Variants in STX18 observed in about 807,000 individuals in gnomAD.
STX18 encodes syntaxin 18.
STX18 carries 40 observed loss-of-function variants against 50.1 expected under a neutral mutation model. The observed-to-expected ratio is 0.80, with a 90% CI of 0.62 to 1.04. The LOEUF is 1.04. Ranked by LOEUF, STX18 falls within the 50% of genes least tolerant of loss-of-function variation. The pLI is 0.00. For missense variants in STX18, 410 were observed against 415.8 expected (o/e 0.99, Z 0.12); for synonymous variants, 158 against 151.8 (o/e 1.04, Z -0.30).
chr4:4,444,694 T>C (rs1437520939), intron 5 of STX18, among the ~76,000 whole-genome samples: 3 of 152,198 alleles, frequency 2.0e-5, no homozygotes, highest in African/African-American at 7.2e-5. Flanking sequence ...TGTTTCTGAG[T>C]TCCATGAGTT....
At chr4:4,496,079 T>C (rs1205674180) in intron 1 of STX18, among the ~76,000 whole-genome samples, 2 of 152,130 alleles carry the variant, frequency 1.3e-5, no homozygotes, top group African/African-American at 2.4e-5. Flanking sequence ...ATGAGATTTC[T>C]CTTTTTATAA....
chr4:4,538,711 T>G (rs78592464), intron 1 of STX18, among the ~76,000 whole-genome samples: 1 of 151,968 alleles, frequency 6.6e-6, no homozygotes, highest in African/African-American at 2.4e-5. Flanking sequence ...TTTATAGAAA[T>G]GGAAAACGAG....
At chr4:4,531,854 T>C (rs931255470) in intron 1 of STX18, among the ~76,000 whole-genome samples, 30 of 152,328 alleles carry the variant, frequency 2.0e-4, no homozygotes, top group African/African-American at 6.3e-4. Context: ...GAGAAAAGAT[T>C]AAACAAAAAA....
intron 1 of STX18, among the ~76,000 whole-genome samples, chr4:4,491,012 G>A (rs1412112525): frequency 1.3e-5 from 2 of 151,770 alleles, no homozygotes; most frequent in Non-Finnish European, 2.9e-5. Context: ...TAAAAGCAAC[G>A]TGGTCCAAAT....
At chr4:4,449,493 T>G (rs1403711706) in intron 5 of STX18, among the ~76,000 whole-genome samples, 1 of 152,210 alleles carries the variant, frequency 6.6e-6, no homozygotes, top group Non-Finnish European at 1.5e-5. Context: ...TTTCACGGCC[T>G]CAACACACAA....
intron 5 of STX18, among the ~76,000 whole-genome samples, chr4:4,444,176 G>A (rs540348599): frequency 6.6e-6 from 1 of 152,324 alleles, no homozygotes; most frequent in African/African-American, 2.4e-5. Context: ...AAGTGAAGGT[G>A]TATACAAACT....
rs188143460 is a variant in STX18 at position 4,464,125 on chromosome 4, A to G, written c.237-4638T>C. Among the ~76,000 whole-genome samples the G allele has an allele frequency of 3.3e-5, 5 of 152,346 alleles. No homozygotes were observed. The East Asian group carries it at 9.6e-4, about 29-fold the overall frequency. On this transcript the variant is annotated intron_variant, in intron 2 of 10. Transcript: ENST00000306200. ...CCTCGTTTTATAAAGATGAAATCCTAAAAAGATGCTCCTAATGATGTTATC... is the reference window on the plus strand; with the variant it reads ...CCTCGTTTTATAAAGATGAAATCCTGAAAAGATGCTCCTAATGATGTTATC...
Position 4,423,559 on chromosome 4 carries a change from A to C in STX18, c.790T>G (p.Ser264Ala), listed in dbSNP as rs1257197734. 2 of 1,614,108 alleles carry C rather than the reference A, an allele frequency of 1.2e-6. No individual in the cohort carries two copies. The highest frequency in any genetic ancestry group is 1.7e-6 in the Non-Finnish European group (2 of 1,180,046). ...RQIEGRVVEI[S>A]RLQEIFTEKV... ...TCCGTGAATATCTCTTGGAGTCTGG[A>C]AATCTCAACCACTCTCCCTTCGATT... The change falls in exon 9 of 11, where the codon TCC becomes GCC. Residue 264 changes from serine (S) to alanine (A), a missense_variant. Physicochemically the swap from Ser to Ala is moderately conservative, Grantham distance 99 (BLOSUM62 1). Transcript: ENST00000306200.
chr4:4,541,600 T>C (rs1287726545), intron 1 of STX18, among the ~76,000 whole-genome samples, 197 bp downstream of exon 1: 3 of 151,884 alleles, frequency 2.0e-5, no homozygotes, highest in Non-Finnish European at 4.4e-5. Flanking sequence ...TGTTCCCCAA[T>C]ATGCGTCCCC....
At chr4:4,507,165 C>T (rs573769675) in intron 1 of STX18, 37 of 565,328 alleles carry the variant, frequency 6.5e-5, no homozygotes, top group African/African-American at 4.3e-4. Flanking sequence ...CAGTACAAGA[C>T]GGCATGACAC....
At chr4:4,442,287 CAG>C (rs1726153645) in intron 5 of STX18, among the ~76,000 whole-genome samples, 1 of 151,852 alleles carries the variant, frequency 6.6e-6, no homozygotes, top group South Asian at 2.1e-4. Flanking sequence ...CCAAATGCAT[CAG>C]AGATATACAC....
In STX18 at chr4:4,420,218, C is replaced by T; in HGVS notation, c.913-89G>A. The T allele has an allele frequency of 2.0e-6, 2 of 1,014,060 alleles. No homozygotes were observed. The highest frequency in any genetic ancestry group is 3.0e-6 in the Non-Finnish European group (2 of 672,020). 62.8% of individuals were successfully genotyped at this position (1,014,060 alleles called of 1,614,324 possible). A position where few individuals can be genotyped will look rare whatever the true frequency, so the allele number is the denominator to read the frequency against. On this transcript the variant is annotated intron_variant, in intron 10 of 10. Coordinates refer to ENST00000306200, the MANE Select transcript of STX18 (RefSeq NM_016930.4). This position sits in a 1 kb window ranked among gnomAD's most constrained non-coding sequence, Gnocchi z 4.3. ...ATGCCCCCCTCTTCCCACGTGCTCTCCTGATCCTGGCTGTAACTATGGGTG... is the reference window on the plus strand; with the variant it reads ...ATGCCCCCCTCTTCCCACGTGCTCTTCTGATCCTGGCTGTAACTATGGGTG...
intron 1 of STX18, among the ~76,000 whole-genome samples, chr4:4,510,148 C>T (rs927716462): frequency 6.6e-6 from 1 of 152,102 alleles, no homozygotes; most frequent in African/African-American, 2.4e-5. Flanking sequence ...ATAATGGGTG[C>T]CTACTATGTG....
chr4:4,443,051 T>C (rs1004062925), intron 5 of STX18, among the ~76,000 whole-genome samples: 3 of 152,198 alleles, frequency 2.0e-5, no homozygotes, highest in Admixed American at 2.0e-4. Flanking sequence ...GGCTGTGAAG[T>C]AGGCACTTCC....
chr4:4,471,150 T>A (rs1240806221), intron 2 of STX18, among the ~76,000 whole-genome samples: 2 of 152,090 alleles, frequency 1.3e-5, no homozygotes, highest in African/African-American at 4.8e-5. Flanking sequence ...CCATCAGGAC[T>A]GAGGACTGGG....
intron 1 of STX18, among the ~76,000 whole-genome samples, chr4:4,500,619 T>C (rs977336497): frequency 6.6e-6 from 1 of 152,194 alleles, no homozygotes; most frequent in Non-Finnish European, 1.5e-5. Flanking sequence ...CTCATATAAG[T>C]TAAACCATAT....
intron 7 of STX18, among the ~76,000 whole-genome samples, chr4:4,431,574 C>A (rs1012548061): frequency 2.0e-5 from 3 of 152,130 alleles, no homozygotes; most frequent in Non-Finnish European, 2.9e-5. Flanking sequence ...CTTCAAACAT[C>A]AGCTGTAAGA....
At chr4:4,507,439 G>A (rs1189474583) in intron 1 of STX18, 5 of 759,692 alleles carry the variant, frequency 6.6e-6, no homozygotes, top group Non-Finnish European at 1.2e-5. Flanking sequence ...AGTCCGGCTA[G>A]TATGCGAACT....
chr4:4,434,079 C>T (rs973154035), intron 7 of STX18, among the ~76,000 whole-genome samples: 1 of 152,228 alleles, frequency 6.6e-6, no homozygotes, highest in East Asian at 1.9e-4. Context: ...TATCACTTGC[C>T]AGGCACAGTC....
Sources: allele counts gnomAD v4.1 joint callset (sites outside exome capture counted in the v4.1 genomes callset), GRCh38; gene constraint gnomAD v4.1.1; non-coding constraint Gnocchi (gnomAD v3.1); transcripts MANE v1.5; gene names NCBI Gene and HGNC (gene_info 2026-07-23, HGNC 2026-07-21).